ZNF804A: variants seen among roughly 807,000 people sequenced by gnomAD.
ZNF804A encodes zinc finger protein 804A.
A neutral mutation model predicts 16.5 loss-of-function variants in ZNF804A; 2 were observed. The observed-to-expected ratio is 0.12, with a 90% CI of 0.05 to 0.38. ZNF804A has a LOEUF of 0.38. ZNF804A is among the 10% of genes least tolerant of loss of function. The pLI is 0.99. For missense variants in ZNF804A, 1,473 were observed against 1,390.7 expected (o/e 1.06, Z -0.94); for synonymous variants, 534 against 489.6 (o/e 1.09, Z -1.20).
intron 2 of ZNF804A, among the ~76,000 whole-genome samples, chr2:184,891,542 A>G (rs1434287560): frequency 1.3e-5 from 2 of 151,648 alleles, no homozygotes; most frequent in Non-Finnish European, 2.9e-5. Context: ...TCTATTTGAC[A>G]TATTATTTCT....
chr2:184,839,352 A>T (rs374398813), intron 1 of ZNF804A, among the ~76,000 whole-genome samples: 3 of 152,090 alleles, frequency 2.0e-5, no homozygotes, highest in East Asian at 1.9e-4. Context: ...TAAGTTTATT[A>T]AGTTTTTGGG....
chr2:184,630,822 G>A (rs942852258), intron 1 of ZNF804A, among the ~76,000 whole-genome samples: 2 of 151,380 alleles, frequency 1.3e-5, no homozygotes, highest in Non-Finnish European at 2.9e-5. Flanking sequence ...TGAGGCACTT[G>A]GAAATTCATT....
At chr2:184,796,213 A>G (rs778609737) in intron 1 of ZNF804A, among the ~76,000 whole-genome samples, 2 of 152,066 alleles carry the variant, frequency 1.3e-5, no homozygotes, top group Non-Finnish European at 2.9e-5. Context: ...TTTTGGTATT[A>G]GGGTGATACT....
intron 1 of ZNF804A, among the ~76,000 whole-genome samples, chr2:184,825,366 T>C (rs2105792815): frequency 6.6e-6 from 1 of 152,286 alleles, no homozygotes; most frequent in East Asian, 1.9e-4. Flanking sequence ...TTTTTGCCCT[T>C]TTTTTGCAGG....
chr2:184,913,683 CA>C (rs1312815861), intron 2 of ZNF804A, among the ~76,000 whole-genome samples: 2 of 152,114 alleles, frequency 1.3e-5, no homozygotes, highest in African/African-American at 4.8e-5. Flanking sequence ...GATAGATATC[CA>C]AGAAGTTGAT....
chr2:184,783,152 T>TG (rs1373682871), intron 1 of ZNF804A, among the ~76,000 whole-genome samples: 1 of 143,978 alleles, frequency 6.9e-6, no homozygotes, highest in Non-Finnish European at 1.5e-5. Flanking sequence ...TTTTTTTTTT[T>TG]TTTTTTTTTT....
At chr2:184,873,436 C>T (rs180932300) in intron 2 of ZNF804A, among the ~76,000 whole-genome samples, 1 of 152,242 alleles carries the variant, frequency 6.6e-6, no homozygotes, top group African/African-American at 2.4e-5. Context: ...AGCAGTGAGC[C>T]ATGATCGCAC....
At chr2:184,656,102 G>A (rs1443251756) in intron 1 of ZNF804A, among the ~76,000 whole-genome samples, 2 of 151,974 alleles carry the variant, frequency 1.3e-5, no homozygotes, top group Non-Finnish European at 2.9e-5. Flanking sequence ...ATTTTAATGT[G>A]TTCTGTCATT....
At chr2:184,767,418 G>A (rs1694144772) in intron 1 of ZNF804A, among the ~76,000 whole-genome samples, 1 of 152,110 alleles carries the variant, frequency 6.6e-6, no homozygotes, top group Non-Finnish European at 1.5e-5. Flanking sequence ...GACACAGAAA[G>A]TAGAATGAGT....
chr2:184,933,483 G>C, intron 2 of ZNF804A, 120 bp from the exon 3 acceptor site: 2 of 892,544 alleles, frequency 2.2e-6, no homozygotes, highest in Non-Finnish European at 3.3e-6. Flanking sequence ...CATGAATGTT[G>C]TGTTTACCTC....
intron 1 of ZNF804A, among the ~76,000 whole-genome samples, chr2:184,671,778 A>G (rs1692341975): frequency 6.6e-6 from 1 of 152,176 alleles, no homozygotes; most frequent in Non-Finnish European, 1.5e-5. Flanking sequence ...CAGTAGTCCC[A>G]CTTGTCTGTG....
chr2:184,802,571 A>G (rs976734460), intron 1 of ZNF804A, among the ~76,000 whole-genome samples: 14 of 152,170 alleles, frequency 9.2e-5, no homozygotes, highest in Admixed American at 2.6e-4. Flanking sequence ...CAGTTGCTCC[A>G]AGTAAGCAGA....
In ZNF804A at chr2:184,862,484, A is replaced by G. The variant is rs561810192; in HGVS notation, c.112-3885A>G. Among the ~76,000 whole-genome samples the G allele has an allele frequency of 4.6e-5, 7 of 152,290 alleles. No homozygotes were observed. The East Asian group carries it at 1.4e-3, about 29-fold the overall frequency. Reference sequence around the variant, plus strand: ...GTCTGGCTCAAATGTTTGTAATTGTACTATCATTTGCAAACTTAACTTCAG... The same window carrying G: ...GTCTGGCTCAAATGTTTGTAATTGTGCTATCATTTGCAAACTTAACTTCAG... On this transcript the variant is annotated intron_variant, in intron 1 of 3. Transcript: ENST00000302277.
chr2:184,602,826 C>T (rs565541080), intron 1 of ZNF804A, among the ~76,000 whole-genome samples: 1 of 152,116 alleles, frequency 6.6e-6, no homozygotes, highest in African/African-American at 2.4e-5. Context: ...AAGCAGATTT[C>T]CTGACTCCAG....
At chr2:184,822,633 A>AT (rs1045932776) in intron 1 of ZNF804A, among the ~76,000 whole-genome samples, 4 of 151,964 alleles carry the variant, frequency 2.6e-5, no homozygotes, top group African/African-American at 4.8e-5. Flanking sequence ...TTTTGAGCAG[A>AT]TTTTTTTTGA....
intron 1 of ZNF804A, among the ~76,000 whole-genome samples, chr2:184,610,532 G>A (rs1691219178): frequency 6.6e-6 from 1 of 151,712 alleles, no homozygotes; most frequent in African/African-American, 2.4e-5. Flanking sequence ...AACTGGTCAA[G>A]GACAAAAAGA....
chr2:184,702,362 C>T (rs978220965), intron 1 of ZNF804A, among the ~76,000 whole-genome samples: 3 of 152,042 alleles, frequency 2.0e-5, no homozygotes, highest in Non-Finnish European at 4.4e-5. Context: ...AAGTTATGTG[C>T]ATTTCATATT....
intron 1 of ZNF804A, among the ~76,000 whole-genome samples, chr2:184,864,360 A>C (rs1414990543): frequency 6.6e-6 from 1 of 152,178 alleles, no homozygotes; most frequent in Non-Finnish European, 1.5e-5. Context: ...CTATTGATGA[A>C]GGATCTGCCC....
chr2:184,923,692 T>C (rs770020999), intron 2 of ZNF804A, among the ~76,000 whole-genome samples: 8 of 152,060 alleles, frequency 5.3e-5, no homozygotes, highest in Non-Finnish European at 8.8e-5. Context: ...GGGTCTGTGG[T>C]ATATGGCTTT....
Sources: gnomAD v4.1 joint callset for allele counts (sites outside exome capture counted in the v4.1 genomes callset) on GRCh38, gnomAD v4.1.1 for gene constraint, MANE v1.5 for transcripts, NCBI Gene and HGNC (gene_info 2026-07-23, HGNC 2026-07-21) for gene names.